The following ARFGEF3 variants were observed in gnomAD, a reference collection of about 807,000 sequenced individuals.
The protein encoded by ARFGEF3 is brefeldin A-inhibited guanine nucleotide-exchange protein 3.
Under a neutral mutation model 221.7 loss-of-function variants are expected in ARFGEF3, and 96 were observed. That is an observed-to-expected ratio of 0.43 (90% CI 0.37 to 0.51). The LOEUF (loss-of-function observed/expected upper bound fraction) is 0.51, where lower values mean the gene tolerates loss of function less well. ARFGEF3 is among the 20% of genes least tolerant of loss of function. ARFGEF3 has a pLI of 0.00. For synonymous variants in ARFGEF3, 1,145 were observed against 1,126.8 expected (o/e 1.02, Z -0.32); for missense variants, 2,410 against 2,789.9 (o/e 0.86, Z 3.07).
intron 30 of ARFGEF3, 99 bp from the exon 31 acceptor site, chr6:138,323,924 A>C: frequency 6.4e-7 from 1 of 1,560,380 alleles, no homozygotes; most frequent in Non-Finnish European, 8.7e-7. Flanking sequence ...TTGCTGGGTC[A>C]GTACTTTTGT....
intron 12 of ARFGEF3, among the ~76,000 whole-genome samples, chr6:138,267,144 G>A (rs1421619196): frequency 6.6e-6 from 1 of 152,162 alleles, no homozygotes; most frequent in Non-Finnish European, 1.5e-5. Flanking sequence ...TCAAGAAACA[G>A]TAAAATTATA....
At chr6:138,219,169 C>T (rs1777932763) in intron 4 of ARFGEF3, among the ~76,000 whole-genome samples, 1 of 152,122 alleles carries the variant, frequency 6.6e-6, no homozygotes, top group Admixed American at 6.5e-5. Context: ...CAGGGCAGAA[C>T]ATCCTTTTAA....
chr6:138,277,834 C>T (rs138388600), intron 12 of ARFGEF3, among the ~76,000 whole-genome samples: 21 of 152,124 alleles, frequency 1.4e-4, no homozygotes, highest in Admixed American at 2.0e-4. Flanking sequence ...GCCGGGTAAG[C>T]GGCATATTGG....
chr6:138,321,176 G>A lies in ARFGEF3; in HGVS notation c.4717G>A (p.Val1573Met). 6.4e-7 allele frequency: 1 copy of A among 1,563,642 alleles called. No individual in the cohort carries two copies. Among genetic ancestry groups the A allele is most frequent in the East Asian group, 2.4e-5 (1 of 42,304 alleles). ...KDLFELLVAC[V>M]AKPTETISRV... is the part of the protein sequence containing the mutation. ...CCTCTTTGAGTTGCTGGTCGCCTGT[G>A]TGGCCAAGCCCACTGAAACCATCTC... is the stretch of plus-strand genomic sequence containing the variant. The change falls in exon 29 of 34, where the codon GTG (valine) becomes ATG (methionine). Residue 1573 changes from valine to methionine, a missense_variant. This residue lies in a region of ARFGEF3 where 723 missense variants were observed against 991.9 expected (regional missense o/e 0.73). Coordinates refer to ENST00000251691, the MANE Select transcript of ARFGEF3 (RefSeq NM_020340.5).
intron 2 of ARFGEF3, among the ~76,000 whole-genome samples, chr6:138,184,457 G>A (rs1777143083): frequency 6.6e-6 from 1 of 152,190 alleles, no homozygotes; most frequent in African/African-American, 2.4e-5. Flanking sequence ...GTGTGATTAA[G>A]GTTTCCCCGC....
chr6:138,280,295 T>C, intron 14 of ARFGEF3, 131 bp downstream of exon 14: 2 of 824,360 alleles, frequency 2.4e-6, no homozygotes, highest in Non-Finnish European at 3.9e-6. Flanking sequence ...TCCCTGGCAA[T>C]GGTGACAGTT....
intron 7 of ARFGEF3, among the ~76,000 whole-genome samples, chr6:138,245,284 G>A (rs886351240): frequency 4.6e-5 from 7 of 152,060 alleles, no homozygotes; most frequent in Admixed American, 1.3e-4. Flanking sequence ...CCTGGGTGAC[G>A]GAGTGAGGCT....
At chr6:138,330,788 C>CA (rs1319011637) in intron 32 of ARFGEF3, among the ~76,000 whole-genome samples, 3 of 151,852 alleles carry the variant, frequency 2.0e-5, no homozygotes, top group Non-Finnish European at 4.4e-5. Context: ...TGGTACATAC[C>CA]AAAAAAATGT....
intron 22 of ARFGEF3, among the ~76,000 whole-genome samples, chr6:138,300,239 T>C (rs1779605781): frequency 6.6e-6 from 1 of 152,162 alleles, no homozygotes; most frequent in Non-Finnish European, 1.5e-5. Context: ...ACCTAAAGAC[T>C]AGATTGTTAA....
At chr6:138,281,898 G>A (rs991012848) in intron 14 of ARFGEF3, among the ~76,000 whole-genome samples, 1 of 152,162 alleles carries the variant, frequency 6.6e-6, no homozygotes, top group Non-Finnish European at 1.5e-5. Flanking sequence ...CTCCAGCCTT[G>A]CCCTGGATTG....
rs1330196504 is a variant in ARFGEF3, at chr6:138,162,966, C to G, written c.85+795C>G. ...AGGAAAGGCCAAGAAGAAGCCAGCG[C>G]AGCTAGCTCTATGGGCTCCTCTCTC... On this transcript the variant is annotated intron_variant, in intron 1 of 33. Coordinates refer to ENST00000251691, the MANE Select transcript of ARFGEF3 (RefSeq NM_020340.5). This position sits in a 1 kb window ranked among gnomAD's most constrained non-coding sequence, Gnocchi z 4.7. 6.6e-6 allele frequency among the ~76,000 whole-genome samples: 1 copy of G among 152,216 alleles called. No individual in the cohort carries two copies. The highest frequency in any genetic ancestry group is 1.5e-5 in the Non-Finnish European group (1 of 68,044).
At chr6:138,299,942 C>A (rs1335639462) in intron 22 of ARFGEF3, among the ~76,000 whole-genome samples, 1 of 152,012 alleles carries the variant, frequency 6.6e-6, no homozygotes, top group Admixed American at 6.6e-5. Flanking sequence ...AGAAAATACA[C>A]AGGCACCATA....
chr6:138,253,754 T>C, intron 8 of ARFGEF3, 126 bp from the exon 9 acceptor site: 1 of 748,092 alleles, frequency 1.3e-6, no homozygotes, highest in African/African-American at 1.8e-5. Flanking sequence ...CCCATAACAC[T>C]AACCGTCCCC....
At chr6:138,250,832 T>TA (rs755599836) in intron 8 of ARFGEF3, among the ~76,000 whole-genome samples, 21 of 152,208 alleles carry the variant, frequency 1.4e-4, no homozygotes, top group Non-Finnish European at 2.8e-4. Context: ...AAAAGTGACT[T>TA]ACAGCCCTCC....
chr6:138,325,201 CAAAAG>C (rs1238727980), intron 31 of ARFGEF3, among the ~76,000 whole-genome samples: 3 of 152,180 alleles, frequency 2.0e-5, no homozygotes, highest in Non-Finnish European at 4.4e-5. Flanking sequence ...AGGTTATACT[CAAAAG>C]GGAAGGCCCC....
At chr6:138,311,366 A>AG (rs1255294976) in intron 24 of ARFGEF3, 41 bp from the exon 25 acceptor site, 1 of 1,329,848 alleles carries the variant, frequency 7.5e-7, no homozygotes, top group Admixed American at 2.0e-5. Context: ...GGGGCACGCA[A>AG]GGGTAACACT....
chr6:138,274,367 A>G lies in ARFGEF3; in HGVS notation c.2129-4084A>G, dbSNP rs547711341. Among the ~76,000 whole-genome samples the G allele has an allele frequency of 2.0e-5, 3 of 152,318 alleles. No individual in the cohort carries two copies. In the East Asian group the frequency reaches 5.8e-4, roughly 29 times the overall value. On this transcript the variant is annotated intron_variant, in intron 12 of 33. Coordinates refer to ENST00000251691, the MANE Select transcript of ARFGEF3 (RefSeq NM_020340.5). ...GTCTTGTGCCCTATGTCTCCTCCAGATAACTGGAATCAGCCCCACTAGCAC... is the reference window on the plus strand; with the variant it reads ...GTCTTGTGCCCTATGTCTCCTCCAGGTAACTGGAATCAGCCCCACTAGCAC...
intron 14 of ARFGEF3, among the ~76,000 whole-genome samples, chr6:138,280,859 A>C (rs932943924): frequency 6.6e-5 from 10 of 152,014 alleles, no homozygotes; most frequent in African/African-American, 2.4e-4. Context: ...CTCAAAACAA[A>C]AAGTTGGTTT....
At chr6:138,165,419 G>A (rs1033997900) in intron 1 of ARFGEF3, among the ~76,000 whole-genome samples, 2 of 150,522 alleles carry the variant, frequency 1.3e-5, no homozygotes, top group African/African-American at 4.9e-5. Flanking sequence ...GGAGAGAGGG[G>A]TCATCCTCAC....
Sources: allele counts gnomAD v4.1 joint callset (sites outside exome capture counted in the v4.1 genomes callset), GRCh38; gene constraint gnomAD v4.1.1; regional missense constraint gnomAD v4.1.1; non-coding constraint Gnocchi (gnomAD v3.1); transcripts MANE v1.5; gene names NCBI Gene and HGNC (gene_info 2026-07-23, HGNC 2026-07-21).